FAM184A: variants seen among roughly 807,000 people sequenced by gnomAD.
The protein encoded by FAM184A is family with sequence similarity 184 member A, also known as protein FAM184A.
FAM184A carries 99 observed loss-of-function variants against 143.8 expected under a neutral mutation model. The ratio of observed to expected loss-of-function variants is 0.69; its 90% CI spans 0.58 to 0.81. FAM184A has a LOEUF of 0.81. FAM184A is among the 40% of genes least tolerant of loss of function. FAM184A has a pLI of 0.00. For synonymous variants in FAM184A, 427 were observed against 446.4 expected (o/e 0.96, Z 0.55); for missense variants, 1,217 against 1,310.5 (o/e 0.93, Z 1.10).
At chr6:119,038,367 AG>A (rs1445509431) in intron 1 of FAM184A, among the ~76,000 whole-genome samples, 18 of 152,332 alleles carry the variant, frequency 1.2e-4, no homozygotes. Flanking sequence ...CAGATTGCTA[AG>A]GCATTCTAAG....
chr6:119,071,668 A>G (rs1562138219), intron 1 of FAM184A, among the ~76,000 whole-genome samples: 3 of 152,092 alleles, frequency 2.0e-5, no homozygotes, highest in Non-Finnish European at 4.4e-5. Flanking sequence ...TTATTGAATA[A>G]GTAATATTAG....
chr6:119,023,906 A>G, intron 2 of FAM184A, 53 bp downstream of exon 2: 1 of 1,489,494 alleles, frequency 6.7e-7, no homozygotes, highest in Non-Finnish European at 8.9e-7. Context: ...TACAAAACAA[A>G]TATTTTTAAA....
intron 16 of FAM184A, among the ~76,000 whole-genome samples, chr6:118,964,425 G>C (rs1160801993): frequency 6.6e-6 from 1 of 151,280 alleles, no homozygotes; most frequent in African/African-American, 2.4e-5. Context: ...TCAGAAATAT[G>C]AAAAAAAGGT....
At chr6:119,089,613 AT>A (rs958700285) in intron 1 of FAM184A, among the ~76,000 whole-genome samples, 2 of 152,094 alleles carry the variant, frequency 1.3e-5, no homozygotes, top group African/African-American at 4.8e-5. Flanking sequence ...ATTATTTCAT[AT>A]TTTTAGAACA....
chr6:119,006,453 A>C lies in FAM184A; in HGVS notation c.1809T>G (p.Asn603Lys), dbSNP rs1318107596. Residue 603 changes from asparagine (N) to lysine (K), a missense_variant, in exon 7 of 18, where the codon AAT becomes AAG. Transcript: ENST00000338891. ...AGTAGAATTATGAAATTACCTCCAC[A>C]TTTAATAGAGCATCCTTGGTCTCCT... ...SLKETKDALL[N>K]VEGELEQERQ... 4.4e-6 allele frequency: 7 copies of C among 1,607,912 alleles called. No individual in the cohort carries two copies. Among genetic ancestry groups the C allele is most frequent in the Non-Finnish European group, 5.9e-6 (7 of 1,178,460 alleles).
chr6:119,006,401 T>C (rs1784920173), intron 7 of FAM184A, 46 bp downstream of exon 7: 2 of 1,582,580 alleles, frequency 1.3e-6, no homozygotes, highest in African/African-American at 1.4e-5. Context: ...CTAAATTCTA[T>C]TTTTATTTTG....
intron 1 of FAM184A, among the ~76,000 whole-genome samples, chr6:119,064,921 A>C (rs956645907): frequency 1.3e-5 from 2 of 152,166 alleles, no homozygotes; most frequent in African/African-American, 4.8e-5. Flanking sequence ...TAACAATTTT[A>C]TTTCTACTAT....
At chr6:119,140,688 A>G (rs1488214308) in intron 1 of FAM184A, among the ~76,000 whole-genome samples, 1 of 152,214 alleles carries the variant, frequency 6.6e-6, no homozygotes, top group Non-Finnish European at 1.5e-5. Flanking sequence ...CCAGCAGAAC[A>G]GAGGCTGCTT....
chr6:119,011,838 G>A (rs1331738631), intron 5 of FAM184A, among the ~76,000 whole-genome samples: 3 of 152,146 alleles, frequency 2.0e-5, no homozygotes, highest in Admixed American at 6.5e-5. Context: ...AGTAGAGAAT[G>A]AGCAAGTATA....
intron 1 of FAM184A, among the ~76,000 whole-genome samples, chr6:119,064,265 A>C (rs1485043407): frequency 6.6e-6 from 1 of 152,198 alleles, no homozygotes; most frequent in Non-Finnish European, 1.5e-5. Flanking sequence ...TAATTCTCTT[A>C]AAATGCAGTT....
chr6:118,964,307 G>A (rs186547643), intron 16 of FAM184A, among the ~76,000 whole-genome samples: 711 of 152,294 alleles, frequency 4.7e-3, no homozygotes, highest in Non-Finnish European at 6.2e-3. Flanking sequence ...AGGAACAGCT[G>A]TTGGGTATCC....
chr6:119,014,625 A>G (rs1236822358), intron 5 of FAM184A, among the ~76,000 whole-genome samples: 2 of 152,214 alleles, frequency 1.3e-5, no homozygotes, highest in Non-Finnish European at 2.9e-5. Context: ...AAGAACAAAA[A>G]CAGTGTTTCT....
Position 119,022,957 on chromosome 6 carries a change from C to T in FAM184A, c.1138G>A (p.Val380Ile). ...ERLQQQASDL[V>I]LKASHIGMLQ... ...TGGTCACACATACTAGCTTTGAGGA[C>T]AAGATCTGAAGCTTGCTGTTGTAAA... Residue 380 changes from valine to isoleucine, a missense_variant, in exon 3 of 18, where the codon GTC becomes ATC. Coordinates refer to ENST00000338891, the MANE Select transcript of FAM184A (RefSeq NM_024581.6). 6.2e-7 allele frequency: 1 copy of T among 1,614,142 alleles called. No individual in the cohort carries two copies. The highest frequency in any genetic ancestry group is 8.5e-7 in the Non-Finnish European group (1 of 1,180,022).
At chr6:119,006,016 T>C (rs1328837838) in intron 7 of FAM184A, 1 of 707,620 alleles carries the variant, frequency 1.4e-6, no homozygotes, top group Non-Finnish European at 2.6e-6. Flanking sequence ...GTGACTTTAT[T>C]TGGAAATACA....
chr6:119,090,703 C>T (rs1218423428), intron 1 of FAM184A, among the ~76,000 whole-genome samples: 14 of 152,178 alleles, frequency 9.2e-5, no homozygotes, highest in Admixed American at 2.0e-4. Flanking sequence ...AGGGCCATAA[C>T]TGATATTCAT....
intron 17 of FAM184A, 60 bp from the exon 18 acceptor site, chr6:118,960,244 C>A: frequency 1.5e-6 from 2 of 1,378,252 alleles, no homozygotes; most frequent in South Asian, 2.4e-5. Flanking sequence ...AAAATGAAGG[C>A]AAAAGCACAT....
intron 1 of FAM184A, among the ~76,000 whole-genome samples, chr6:119,144,850 C>A (rs545462035): frequency 6.6e-6 from 1 of 152,306 alleles, no homozygotes; most frequent in East Asian, 1.9e-4. Flanking sequence ...TTTGTTTGCA[C>A]CCCTGCTTGT....
intron 1 of FAM184A, among the ~76,000 whole-genome samples, chr6:119,090,839 T>C (rs763035915): frequency 2.6e-5 from 4 of 152,186 alleles, no homozygotes; most frequent in Non-Finnish European, 5.9e-5. Flanking sequence ...TCCAAGCTCT[T>C]GGTTGGCTTA....
At chr6:118,966,791 C>A (rs1783515001) in intron 15 of FAM184A, 44 bp downstream of exon 15, 2 of 878,744 alleles carry the variant, frequency 2.3e-6, no homozygotes, top group African/African-American at 1.7e-5. Context: ...CAATCAATAT[C>A]TATTGATTAC....
Sources: gnomAD v4.1 joint callset for allele counts (sites outside exome capture counted in the v4.1 genomes callset) on GRCh38, gnomAD v4.1.1 for gene constraint, MANE v1.5 for transcripts, NCBI Gene and HGNC (gene_info 2026-07-23, HGNC 2026-07-21) for gene names.